GALNT13: variants seen among roughly 807,000 people sequenced by gnomAD.
GALNT13 encodes the protein polypeptide N-acetylgalactosaminyltransferase 13, also known as UDP-GalNAc:polypeptide N-acetylgalactosaminyltransferase 13.
Under a neutral mutation model 64.2 loss-of-function variants are expected in GALNT13, and 28 were observed. The ratio of observed to expected loss-of-function variants is 0.44; its 90% confidence interval spans 0.32 to 0.60. GALNT13 has a LOEUF of 0.60. Among genes scored for constraint, GALNT13 ranks in the 20% least tolerant of loss-of-function variants. The pLI is 0.05. For synonymous variants in GALNT13, 214 were observed against 224.6 expected, an observed-to-expected ratio of 0.95 and a Z score of 0.42; for missense variants, 577 against 669.8, an observed-to-expected ratio of 0.86 and a Z score of 1.53.
At chr2:154,366,101 A>G (rs1252204429) in intron 9 of GALNT13, among the ~76,000 whole-genome samples, 1 of 152,168 alleles carries the variant, frequency 6.6e-6, no homozygotes, top group Admixed American at 6.6e-5. Context: ...GTATGAACAT[A>G]TATCATTTAA....
At chr2:153,203,874 TAC>T in the GALNT13 span, among the ~76,000 whole-genome samples, 26,998 of 150,904 alleles carry the variant, frequency 0.18, 2,526 homozygotes, top group Middle Eastern at 0.28. Context: ...GTAGCGTGTC[TAC>T]ACACACACAC....
chr2:153,341,512 T>C, the GALNT13 span, among the ~76,000 whole-genome samples: 3 of 152,340 alleles, frequency 2.0e-5, no homozygotes, highest in African/African-American at 7.2e-5. Context: ...TTACAGCATA[T>C]CAATGATTAG....
chr2:153,905,356 C>A (rs1688489717), intron 2 of GALNT13, among the ~76,000 whole-genome samples: 1 of 151,894 alleles, frequency 6.6e-6, no homozygotes, highest in South Asian at 2.1e-4. Context: ...TAGTACTAAA[C>A]CTTATATATA....
At chr2:153,531,335 C>T in the GALNT13 span, among the ~76,000 whole-genome samples, 1 of 152,136 alleles carries the variant, frequency 6.6e-6, no homozygotes, top group African/African-American at 2.4e-5. Flanking sequence ...CAAAGTGTTA[C>T]ATGGCTGGAG....
the GALNT13 span, among the ~76,000 whole-genome samples, chr2:153,569,357 CTT>C: frequency 3.3e-5 from 5 of 151,740 alleles, no homozygotes; most frequent in African/African-American, 4.8e-5. Context: ...TGAATATACT[CTT>C]TTAAAAATTA....
chr2:153,532,470 G>A, the GALNT13 span, among the ~76,000 whole-genome samples: 1 of 152,100 alleles, frequency 6.6e-6, no homozygotes, highest in Non-Finnish European at 1.5e-5. Flanking sequence ...CTACCTCAAA[G>A]GTCTCTGAAA....
At chr2:153,746,999 A>G in the GALNT13 span, among the ~76,000 whole-genome samples, 6 of 151,916 alleles carry the variant, frequency 3.9e-5, no homozygotes, top group African/African-American at 1.5e-4. Context: ...TCCTTTGTTG[A>G]TTATTTATGG....
the GALNT13 span, among the ~76,000 whole-genome samples, chr2:153,545,743 G>A: frequency 5.3e-5 from 8 of 152,132 alleles, no homozygotes; most frequent in African/African-American, 1.7e-4. Context: ...TAGGGAGAGA[G>A]TCATAGTGGG....
At chr2:154,095,387 ATG>A (rs1359750301) in intron 3 of GALNT13, among the ~76,000 whole-genome samples, 12 of 151,878 alleles carry the variant, frequency 7.9e-5, no homozygotes, top group Non-Finnish European at 1.3e-4. Context: ...TGTTTTAAAA[ATG>A]TTTGTGATAA....
At chr2:153,861,629 C>T in the GALNT13 span, among the ~76,000 whole-genome samples, 121,456 of 146,574 alleles carry the variant, frequency 0.83, 51,083 homozygotes, top group Non-Finnish European at 0.9. Context: ...TGCAATCATA[C>T]GATCCTGGCT....
chr2:154,259,210 A>G (rs1001934360), intron 8 of GALNT13, 72 bp downstream of exon 8: 1 of 805,726 alleles, frequency 1.2e-6, no homozygotes, highest in Non-Finnish European at 2.1e-6. Flanking sequence ...AGTCCCAGTA[A>G]TTTACTGTCA....
At chr2:154,013,024 C>T (rs759918355) in intron 3 of GALNT13, among the ~76,000 whole-genome samples, 1 of 150,464 alleles carries the variant, frequency 6.6e-6, no homozygotes, top group Non-Finnish European at 1.5e-5. Context: ...TGATGATCTT[C>T]ATTCCTGTGT....
intron 1 of GALNT13, among the ~76,000 whole-genome samples, chr2:153,884,764 C>A (rs980215690): frequency 9.7e-6 from 1 of 103,238 alleles, no homozygotes; most frequent in South Asian, 3.8e-4. Context: ...ACTAAAAATA[C>A]GAATATATAT....
intron 11 of GALNT13, among the ~76,000 whole-genome samples, chr2:154,417,484 C>G (rs543047992): frequency 1.6e-5 from 1 of 61,546 alleles, no homozygotes; most frequent in African/African-American, 4.8e-5. Context: ...ATGACCTTGC[C>G]ATGCTTTTAT....
chr2:153,520,193 A>G, the GALNT13 span, among the ~76,000 whole-genome samples: 2 of 152,226 alleles, frequency 1.3e-5, no homozygotes, highest in Admixed American at 6.5e-5. Flanking sequence ...CTTTGCACAT[A>G]TAATTTTTAT....
At chr2:153,401,196 TC>T in the GALNT13 span, among the ~76,000 whole-genome samples, 23 of 152,276 alleles carry the variant, frequency 1.5e-4, no homozygotes, top group South Asian at 1.2e-3. Flanking sequence ...CAGTAGTCAT[TC>T]AGGAGCAGGT....
the GALNT13 span, among the ~76,000 whole-genome samples, chr2:153,292,904 C>T: frequency 6.6e-6 from 1 of 152,124 alleles, no homozygotes; most frequent in Admixed American, 6.5e-5. Flanking sequence ...ATCACTAGCA[C>T]ATTTATGCTT....
At chr2:153,720,852 G>A in the GALNT13 span, among the ~76,000 whole-genome samples, 1 of 150,698 alleles carries the variant, frequency 6.6e-6, no homozygotes, top group African/African-American at 2.4e-5. Context: ...ACCTGAAAGT[G>A]ATGGGGAGAA....
At chr2:153,144,868 T>C in the GALNT13 span, among the ~76,000 whole-genome samples, 2 of 151,986 alleles carry the variant, frequency 1.3e-5, no homozygotes, top group Middle Eastern at 6.8e-3. Context: ...CTTCACTTGC[T>C]TATAAGAGGG....
Sources: gnomAD v4.1 joint callset for allele counts (sites outside exome capture counted in the v4.1 genomes callset) on GRCh38, gnomAD v4.1.1 for gene constraint, MANE v1.5 for transcripts, NCBI Gene and HGNC (gene_info 2026-07-23, HGNC 2026-07-21) for gene names.